Variants in SUGCT observed in about 807,000 individuals in gnomAD.
SUGCT encodes succinyl-CoA:glutarate-CoA transferase.
In SUGCT, 41 loss-of-function variants were observed where a neutral mutation model predicts 55.0. The ratio of observed to expected loss-of-function variants is 0.74; its 90% CI spans 0.58 to 0.97. The LOEUF is 0.97. SUGCT is among the 50% of genes least tolerant of loss of function. The pLI, the probability that SUGCT is intolerant of heterozygous loss-of-function variation, is 0.00. For synonymous variants in SUGCT, 187 were observed against 200.4 expected, an observed-to-expected ratio of 0.93 and a Z score of 0.56; for missense variants, 568 against 547.8, an observed-to-expected ratio of 1.04 and a Z score of -0.37.
chr7:40,750,673 G>A (rs574148203), intron 13 of SUGCT, among the ~76,000 whole-genome samples: 1 of 152,242 alleles, frequency 6.6e-6, no homozygotes, highest in Non-Finnish European at 1.5e-5. Flanking sequence ...GAAGTATGAT[G>A]AATAAAGAAA....
At chr7:40,635,738 C>T (rs560975959) in intron 12 of SUGCT, among the ~76,000 whole-genome samples, 8 of 152,144 alleles carry the variant, frequency 5.3e-5, no homozygotes, top group East Asian at 3.9e-4. Flanking sequence ...ATTTATTAAA[C>T]GAAGGGGCAA....
intron 13 of SUGCT, among the ~76,000 whole-genome samples, chr7:40,753,388 T>G (rs1354507478): frequency 6.6e-6 from 1 of 152,194 alleles, no homozygotes; most frequent in African/African-American, 2.4e-5. Context: ...CTACACTGTT[T>G]TCTGGTTAAC....
intron 7 of SUGCT, among the ~76,000 whole-genome samples, chr7:40,261,785 T>G (rs1336160066): frequency 1.3e-5 from 2 of 152,222 alleles, no homozygotes; most frequent in Non-Finnish European, 2.9e-5. Flanking sequence ...TAAATGTTGT[T>G]TTGTTTCAGA....
At chr7:40,677,347 T>C (rs1168626814) in intron 12 of SUGCT, among the ~76,000 whole-genome samples, 1 of 152,228 alleles carries the variant, frequency 6.6e-6, no homozygotes, top group African/African-American at 2.4e-5. Context: ...ACAGGGTTTA[T>C]TTTAATCACT....
At chr7:40,724,981 C>G (rs957965565) in intron 12 of SUGCT, among the ~76,000 whole-genome samples, 1 of 152,130 alleles carries the variant, frequency 6.6e-6, no homozygotes, top group Non-Finnish European at 1.5e-5. Flanking sequence ...GTAAAAAGCT[C>G]TAGAAGTACT....
At chr7:40,933,761 T>C in the SUGCT span, among the ~76,000 whole-genome samples, 143,176 of 152,272 alleles carry the variant, frequency 0.94, 67,441 homozygotes, top group African/African-American at 0.99. Context: ...ACAAAGTTCT[T>C]ATGCCATGGT....
intron 12 of SUGCT, among the ~76,000 whole-genome samples, chr7:40,624,793 ACACACACACACACACACACG>A (rs991366768): frequency 1.4e-4 from 20 of 146,324 alleles, no homozygotes; most frequent in Non-Finnish European, 2.1e-4. Flanking sequence ...ACACACACAC[ACACACACACACACACACACG>A]CACACCACAA....
At chr7:40,317,403 T>C (rs1422015914) in intron 9 of SUGCT, among the ~76,000 whole-genome samples, 1 of 152,228 alleles carries the variant, frequency 6.6e-6, no homozygotes, top group Non-Finnish European at 1.5e-5. Flanking sequence ...GTGAAGTAAC[T>C]GTGATCTTTC....
chr7:40,498,219 T>C (rs1383295601), intron 12 of SUGCT, among the ~76,000 whole-genome samples: 1 of 152,350 alleles, frequency 6.6e-6, no homozygotes, highest in African/African-American at 2.4e-5. Context: ...TAAATTTGTG[T>C]AAAACAGATT....
At chr7:40,357,988 A>G (rs1469378797) in intron 9 of SUGCT, among the ~76,000 whole-genome samples, 1 of 152,192 alleles carries the variant, frequency 6.6e-6, no homozygotes, top group Non-Finnish European at 1.5e-5. Context: ...CTGCTTTAAG[A>G]CTTGGCACAT....
chr7:40,571,012 A>G (rs1275196846), intron 12 of SUGCT, among the ~76,000 whole-genome samples: 2 of 151,996 alleles, frequency 1.3e-5, no homozygotes, highest in Admixed American at 6.6e-5. Context: ...GGCACCTGCC[A>G]CAGTGCTATA....
At chr7:40,982,636 T>A in the SUGCT span, among the ~76,000 whole-genome samples, 2 of 152,144 alleles carry the variant, frequency 1.3e-5, no homozygotes, top group Non-Finnish European at 2.9e-5. Context: ...TAAAACTTAC[T>A]ATAGCAGTAT....
rs557364166 is a variant in SUGCT at position 40,160,739 on chromosome 7, G to T, written c.101-20208G>T. ...ATTTATAAGAGAAGATATAAAAAGA[G>T]CAGATTTAAAAGATGTTCAATTTCA... On this transcript the variant is annotated intron_variant, in intron 1 of 13. Coordinates refer to ENST00000335693, the MANE Select transcript of SUGCT (RefSeq NM_001193313.2). Among the ~76,000 whole-genome samples the T allele has an allele frequency of 5.3e-5, 8 of 152,228 alleles. No homozygotes were observed. The South Asian group carries it at 1.7e-3, about 32-fold the overall frequency.
intron 8 of SUGCT, among the ~76,000 whole-genome samples, chr7:40,283,239 T>G (rs947985597): frequency 6.6e-6 from 1 of 152,024 alleles, no homozygotes; most frequent in African/African-American, 2.4e-5. Flanking sequence ...TTTTCTTTTT[T>G]TTTTTTTGAG....
At chr7:40,530,523 T>A (rs1231856725) in intron 12 of SUGCT, among the ~76,000 whole-genome samples, 1 of 152,236 alleles carries the variant, frequency 6.6e-6, no homozygotes, top group Admixed American at 6.5e-5. Context: ...TCAGTATGCA[T>A]GTTTCATGGG....
At chr7:40,964,437 C>T in the SUGCT span, among the ~76,000 whole-genome samples, 39 of 152,290 alleles carry the variant, frequency 2.6e-4, no homozygotes, top group African/African-American at 8.9e-4. Flanking sequence ...CTCTGAGACC[C>T]AGATTCTGGA....
At chr7:40,592,655 C>T (rs980482564) in intron 12 of SUGCT, among the ~76,000 whole-genome samples, 13 of 152,002 alleles carry the variant, frequency 8.6e-5, no homozygotes, top group Admixed American at 3.9e-4. Flanking sequence ...TTTTAGATTC[C>T]GTATTTGGGT....
intron 11 of SUGCT, among the ~76,000 whole-genome samples, chr7:40,478,088 G>T (rs549038126): frequency 6.6e-6 from 1 of 152,238 alleles, no homozygotes; most frequent in African/African-American, 2.4e-5. Context: ...AAACTCTTGG[G>T]CTCAAGGGAT....
chr7:40,266,670 T>G (rs1791599748), intron 7 of SUGCT, among the ~76,000 whole-genome samples: 1 of 152,120 alleles, frequency 6.6e-6, no homozygotes, highest in Non-Finnish European at 1.5e-5. Flanking sequence ...GCTTTTACTT[T>G]TAGTGAATTT....
Sources: gnomAD v4.1 joint callset for allele counts (sites outside exome capture counted in the v4.1 genomes callset) on GRCh38, gnomAD v4.1.1 for gene constraint, MANE v1.5 for transcripts, NCBI Gene and HGNC (gene_info 2026-07-23, HGNC 2026-07-21) for gene names.